The following AGAP1 variants were observed in gnomAD, a reference collection of about 807,000 sequenced individuals.
AGAP1 encodes ArfGAP with GTPase domain, ankyrin repeat and PH domain 1, also known as arf-GAP with GTPase, ANK repeat and PH domain-containing protein 1.
AGAP1 carries 29 observed loss-of-function variants against 105.3 expected under a neutral mutation model. That is an observed-to-expected ratio of 0.28 (90% CI 0.21 to 0.38). AGAP1 has a LOEUF of 0.38. AGAP1 is among the 10% of genes least tolerant of loss of function. The probability of loss-of-function intolerance (pLI) is 1.00; values close to 1 mark genes in which losing one functional copy is unlikely to be tolerated. For missense variants in AGAP1, 998 were observed against 1,165.1 expected (o/e 0.86, Z 2.09); for synonymous variants, 509 against 485.9 (o/e 1.05, Z -0.63).
intron 1 of AGAP1, among the ~76,000 whole-genome samples, chr2:235,629,009 A>G (rs1249822524): frequency 6.6e-6 from 1 of 151,794 alleles, no homozygotes; most frequent in East Asian, 1.9e-4. Flanking sequence ...ACGGGGTTTC[A>G]CCATATTGGC....
Position 235,864,123 on chromosome 2 carries a change from C to T in AGAP1, c.1051-19222C>T, listed in dbSNP as rs1283271946. On this transcript the variant is annotated intron_variant, in intron 9 of 17. Coordinates refer to ENST00000304032, the MANE Select transcript of AGAP1 (RefSeq NM_001037131.3). This position sits in a 1 kb window ranked among gnomAD's most constrained non-coding sequence, Gnocchi z 5.0. ...TCCCACGTGATTTAATAAACAGTTGCTGTAGCATGTGTAATCTTTGCAGTG... is the reference window on the plus strand; with the variant it reads ...TCCCACGTGATTTAATAAACAGTTGTTGTAGCATGTGTAATCTTTGCAGTG... Among the ~76,000 whole-genome samples, 27 of 152,304 alleles carry T rather than the reference C, an allele frequency of 1.8e-4. No individual in the cohort carries two copies. The highest frequency in any genetic ancestry group is 2.4e-5 in the African/African-American group (1 of 41,572).
chr2:235,740,902 C>T lies in AGAP1; in HGVS notation c.311-61C>T. ...ATTTTTCCACAAGCGAAGCCCACGT[C>T]TGTCTGCCCTCCTCACTCTCTGTTG... On this transcript the variant is annotated intron_variant, in intron 3 of 17. Transcript: ENST00000304032. The surrounding 1 kb of genome is among the most constrained non-coding windows in gnomAD (Gnocchi z 5.7). 6.2e-7 allele frequency: 1 copy of T among 1,605,520 alleles called. No individual in the cohort carries two copies. The highest frequency in any genetic ancestry group is 8.5e-7 in the Non-Finnish European group (1 of 1,172,952).
At chr2:235,605,457 C>T (rs1297962585) in intron 1 of AGAP1, among the ~76,000 whole-genome samples, 1 of 152,244 alleles carries the variant, frequency 6.6e-6, no homozygotes, top group Admixed American at 6.5e-5. Flanking sequence ...CCAGACGACG[C>T]CGGCCCTTCC....
chr2:236,052,160 C>G (rs1167106441), intron 16 of AGAP1, among the ~76,000 whole-genome samples: 2 of 152,038 alleles, frequency 1.3e-5, no homozygotes, highest in African/African-American at 4.8e-5. Context: ...AAATTTTTCT[C>G]TCTATCAAAG....
chr2:235,813,895 G>A (rs1191476499), intron 9 of AGAP1, among the ~76,000 whole-genome samples: 1 of 152,188 alleles, frequency 6.6e-6, no homozygotes, highest in African/African-American at 2.4e-5. Flanking sequence ...GGGCGATGGA[G>A]TGGGAAGGTG....
At chr2:235,497,969 C>T (rs900759086) in intron 1 of AGAP1, among the ~76,000 whole-genome samples, 8 of 152,172 alleles carry the variant, frequency 5.3e-5, no homozygotes, top group African/African-American at 1.7e-4. Flanking sequence ...CCACATTTGG[C>T]TGCACCCTAC....
intron 16 of AGAP1, among the ~76,000 whole-genome samples, chr2:236,065,499 A>T (rs1227029644): frequency 6.6e-6 from 1 of 152,238 alleles, no homozygotes; most frequent in South Asian, 2.1e-4. Context: ...CATGTTGCTA[A>T]CACTCCATCA....
chr2:235,528,788 C>T (rs1942943562), intron 1 of AGAP1, among the ~76,000 whole-genome samples: 1 of 152,174 alleles, frequency 6.6e-6, no homozygotes. Flanking sequence ...AGCAATTCTC[C>T]TGCCTCAGCC....
chr2:235,801,529 C>T lies in AGAP1; in HGVS notation c.957+2007C>T, dbSNP rs146461349. On this transcript the variant is annotated intron_variant, in intron 8 of 17. Coordinates refer to ENST00000304032, the MANE Select transcript of AGAP1 (RefSeq NM_001037131.3). This position sits in a 1 kb window ranked among gnomAD's most constrained non-coding sequence, Gnocchi z 6.0. ...TCTTCACACACACCGAGAACAGCAGCAGTCACCTAAATAGCTGCTTCCCAG... is the reference window on the plus strand; with the variant it reads ...TCTTCACACACACCGAGAACAGCAGTAGTCACCTAAATAGCTGCTTCCCAG... Among the ~76,000 whole-genome samples the T allele has an allele frequency of 3.3e-4, 51 of 152,258 alleles. 1 individual carries two copies. In the East Asian group the frequency reaches 8.1e-3, roughly 24 times the overall value.
intron 4 of AGAP1, among the ~76,000 whole-genome samples, chr2:235,743,226 G>A (rs1952692764): frequency 6.6e-6 from 1 of 152,150 alleles, no homozygotes; most frequent in South Asian, 2.1e-4. Context: ...TAGATTGGGG[G>A]GTTATTTATT....
intron 1 of AGAP1, among the ~76,000 whole-genome samples, chr2:235,579,463 C>G (rs1343314507): frequency 6.6e-6 from 1 of 152,154 alleles, no homozygotes; most frequent in Admixed American, 6.5e-5. Context: ...ATTTACATAA[C>G]ATAAAGTTAA....
At position 235,845,618 on chromosome 2, in the gene AGAP1, G is replaced by C. The variant is rs1260833731; in HGVS notation, c.1051-37727G>C. On this transcript the variant is annotated intron_variant, in intron 9 of 17. Coordinates refer to ENST00000304032, the MANE Select transcript of AGAP1 (RefSeq NM_001037131.3). The surrounding 1 kb of genome is among the most constrained non-coding windows in gnomAD (Gnocchi z 4.8). Reference sequence around the variant, plus strand: ...CCTTTCCTGACCCCCCCCCCGATCTGCTTTTTAATTTCTCAGTGTATGTTT... The same window carrying C: ...CCTTTCCTGACCCCCCCCCCGATCTCCTTTTTAATTTCTCAGTGTATGTTT... 4.0e-5 allele frequency among the ~76,000 whole-genome samples: 6 copies of C among 148,380 alleles called. No individual in the cohort carries two copies. The highest frequency in any genetic ancestry group is 1.5e-4 in the African/African-American group (6 of 40,066).
rs200272252 is a variant in AGAP1, at chr2:235,594,281, AT to A, written c.163+99434del. On this transcript the variant is annotated intron_variant, in intron 1 of 17. Coordinates refer to ENST00000304032, the MANE Select transcript of AGAP1 (RefSeq NM_001037131.3). ...ATTATAATATCTGTAGCAAATAGGC[AT>A]TCTGGGGTTTTTTTTTTTTCATATT... 3.0e-3 allele frequency among the ~76,000 whole-genome samples: 407 copies of A among 137,224 alleles called. 3 individuals are homozygous for A. Among genetic ancestry groups the A allele is most frequent in the African/African-American group, 9.9e-3 (387 of 39,120 alleles). 90.0% of individuals were successfully genotyped at this position (137,224 alleles called of 152,430 possible).
At chr2:235,506,809 T>G (rs1941835056) in intron 1 of AGAP1, 1 of 152,244 alleles carries the variant, frequency 6.6e-6, no homozygotes. Flanking sequence ...TTTGCAAAGC[T>G]GGGAGAGAAT....
chr2:235,549,915 G>A lies in AGAP1; in HGVS notation c.163+55066G>A, dbSNP rs1408500294. On this transcript the variant is annotated intron_variant, in intron 1 of 17. Transcript: ENST00000304032. The surrounding 1 kb of genome is among the most constrained non-coding windows in gnomAD (Gnocchi z 4.2). Reference sequence around the variant, plus strand: ...TGGAGGGTGATGAGAGGCTGGGGACGTTTTCGGATGACCACAGGTGTGAAG... The same window carrying A: ...TGGAGGGTGATGAGAGGCTGGGGACATTTTCGGATGACCACAGGTGTGAAG... Among the ~76,000 whole-genome samples the A allele has an allele frequency of 1.8e-4, 27 of 152,184 alleles. No homozygotes were observed. The highest frequency in any genetic ancestry group is 1.6e-3 in the Admixed American group (24 of 15,278).
chr2:235,885,187 T>C (rs2050214536), intron 10 of AGAP1, among the ~76,000 whole-genome samples: 1 of 152,202 alleles, frequency 6.6e-6, no homozygotes, highest in African/African-American at 2.4e-5. Flanking sequence ...TATTTCTCTT[T>C]TCCTTCCACA....
In AGAP1 at chr2:235,740,243, G is replaced by C. The variant is rs575051115; in HGVS notation, c.311-720G>C. On this transcript the variant is annotated intron_variant, in intron 3 of 17. Coordinates refer to ENST00000304032, the MANE Select transcript of AGAP1 (RefSeq NM_001037131.3). The surrounding 1 kb of genome is among the most constrained non-coding windows in gnomAD (Gnocchi z 5.7). Reference sequence around the variant, plus strand: ...TCCTGAGAGCATCAGGGGCCGGGACGTCCAAGGTAGCACCAGGCCCCTCAT... The same window carrying C: ...TCCTGAGAGCATCAGGGGCCGGGACCTCCAAGGTAGCACCAGGCCCCTCAT... 6.6e-6 allele frequency among the ~76,000 whole-genome samples: 1 copy of C among 152,064 alleles called. No homozygotes were observed. The highest frequency in any genetic ancestry group is 6.5e-5 in the Admixed American group (1 of 15,280).
At chr2:235,840,556 A>G (rs891992068) in intron 9 of AGAP1, among the ~76,000 whole-genome samples, 10 of 152,160 alleles carry the variant, frequency 6.6e-5, no homozygotes, top group Non-Finnish European at 1.5e-4. Context: ...CAGAAGGGCC[A>G]TGCTGGCTGC....
rs1259177291 is a variant in AGAP1, at chr2:236,087,734, C to T, written c.2115-32458C>T. 6.6e-6 allele frequency among the ~76,000 whole-genome samples: 1 copy of T among 152,208 alleles called. No homozygotes were observed. The highest frequency in any genetic ancestry group is 1.5e-5 in the Non-Finnish European group (1 of 68,030). ...GTTAAGTGACAACCGGGGACATACC[C>T]ATTTTCTTTGTCCATGAAGCACCAA... On this transcript the variant is annotated intron_variant, in intron 16 of 17. Coordinates refer to ENST00000304032, the MANE Select transcript of AGAP1 (RefSeq NM_001037131.3). The surrounding 1 kb of genome is among the most constrained non-coding windows in gnomAD (Gnocchi z 5.7).
Sources: gnomAD v4.1 joint callset for allele counts (sites outside exome capture counted in the v4.1 genomes callset) on GRCh38, gnomAD v4.1.1 for gene constraint, Gnocchi (gnomAD v3.1) non-coding constraint, MANE v1.5 for transcripts, NCBI Gene and HGNC (gene_info 2026-07-23, HGNC 2026-07-21) for gene names.